Variants in SMS observed in about 807,000 individuals in gnomAD.
SMS encodes spermidine aminopropyltransferase.
SMS carries 3 observed loss-of-function variants against 33.0 expected under a neutral mutation model. That is an observed-to-expected ratio of 0.09 (90% CI 0.04 to 0.23). The LOEUF (loss-of-function observed/expected upper bound fraction) is 0.23, where lower values mean the gene tolerates loss of function less well. SMS is among the 10% of genes least tolerant of loss of function. The pLI is 1.00. For synonymous variants in SMS, 103 were observed against 112.2 expected, an observed-to-expected ratio of 0.92 and a Z score of 0.52; for missense variants, 117 against 288.6, an observed-to-expected ratio of 0.41 and a Z score of 4.31.
chrX:21,950,235 T>C (rs934394458), intron 1 of SMS, among the ~76,000 whole-genome samples: 4 of 110,773 alleles, frequency 3.6e-5, no homozygotes, highest in Non-Finnish European at 7.6e-5. Context: ...ACTGAATCTT[T>C]TAACTGTATA....
intron 1 of SMS, among the ~76,000 whole-genome samples, chrX:21,948,266 T>C (rs1025396936): frequency 4.5e-5 from 5 of 111,067 alleles, no homozygotes; most frequent in African/African-American, 1.6e-4. Context: ...CATTGGGTAG[T>C]TCAGTATTTA....
intron 8 of SMS, 56 bp from the exon 9 acceptor site, chrX:21,985,088 A>T (rs1925234401): frequency 2.7e-6 from 2 of 738,317 alleles, no homozygotes; most frequent in Admixed American, 2.2e-5. Flanking sequence ...TTTACTTCAG[A>T]TGTTGTGGAT....
intron 10 of SMS, among the ~76,000 whole-genome samples, chrX:21,993,544 A>G (rs1424221154): frequency 8.9e-6 from 1 of 112,262 alleles, no homozygotes; most frequent in Non-Finnish European, 1.9e-5. Context: ...GCTGACCTCC[A>G]GTGAGGCCTG....
intron 1 of SMS, chrX:21,941,441 A>G: frequency 6.0e-6 from 1 of 167,523 alleles, no homozygotes. Flanking sequence ...GCGGACGCGC[A>G]GCGCTTGCAG....
intron 2 of SMS, among the ~76,000 whole-genome samples, chrX:21,970,732 CTTA>C (rs981480736): frequency 3.2e-5 from 3 of 94,532 alleles, no homozygotes; most frequent in African/African-American, 1.3e-4. Flanking sequence ...CCATGCTTAG[CTTA>C]TTATTTTTAG....
intron 7 of SMS, among the ~76,000 whole-genome samples, chrX:21,981,552 C>T (rs760306775): frequency 2.1e-4 from 24 of 111,826 alleles, no homozygotes; most frequent in Non-Finnish European, 3.8e-4. Context: ...GAAAGGAATA[C>T]ACAAGGACCT....
At chrX:21,959,270 T>C (rs781539460) in intron 1 of SMS, among the ~76,000 whole-genome samples, 1 of 112,722 alleles carries the variant, frequency 8.9e-6, no homozygotes, top group African/African-American at 3.2e-5. Context: ...AACTTTTAAT[T>C]GTAAACTAGA....
At chrX:21,989,871 T>C (rs1156869877) in intron 9 of SMS, among the ~76,000 whole-genome samples, 2 of 110,405 alleles carry the variant, frequency 1.8e-5, no homozygotes, top group African/African-American at 6.6e-5. Context: ...GCCTTCCGAG[T>C]AGCTGGGATT....
chrX:21,974,030 A>G (rs1422584297), intron 4 of SMS, among the ~76,000 whole-genome samples: 1 of 112,747 alleles, frequency 8.9e-6, no homozygotes, highest in Non-Finnish European at 1.9e-5. Context: ...TAAGGCATAG[A>G]AGGCCTGTCC....
chrX:21,973,221 C>A (rs1349059547), intron 4 of SMS, among the ~76,000 whole-genome samples: 1 of 112,329 alleles, frequency 8.9e-6, no homozygotes, highest in African/African-American at 3.2e-5. Context: ...TAGAAAACTC[C>A]TGACTTCAGT....
intron 7 of SMS, among the ~76,000 whole-genome samples, chrX:21,980,314 G>A (rs1416808523): frequency 9.4e-6 from 1 of 106,657 alleles, no homozygotes; most frequent in African/African-American, 3.4e-5. Context: ...CTACATGGAA[G>A]GCTGAGGCAG....
intron 1 of SMS, among the ~76,000 whole-genome samples, chrX:21,946,482 A>G (rs756256148): frequency 8.9e-6 from 1 of 112,546 alleles, no homozygotes; most frequent in South Asian, 3.7e-4. Flanking sequence ...CCCATTTTAA[A>G]GACAAATAAA....
Position 21,994,532 on chromosome X carries a change from T to C in SMS, c.*181T>C. On this transcript the variant is annotated 3_prime_UTR_variant, in exon 11 of 11. Transcript: ENST00000404933. Reference sequence around the variant, plus strand: ...TGTATATTTTGATGAGCTTAGGGTGTTTTTTTTTTGAAAGTCAGCTGAAGG... The same window carrying C: ...TGTATATTTTGATGAGCTTAGGGTGCTTTTTTTTTGAAAGTCAGCTGAAGG... The C allele has an allele frequency of 2.2e-6, 2 of 917,055 alleles. No individual in the cohort carries two copies. The highest frequency in any genetic ancestry group is 2.8e-6 in the Non-Finnish European group (2 of 726,986). The allele number at this position is 917,055 out of a possible 1,213,427, so 75.6% of individuals were successfully genotyped here.
chrX:21,988,884 T>C lies in SMS; in HGVS notation c.945+3661T>C, dbSNP rs139009252. ...TGGGAATCAAAGTGGGCCAATAGAA[T>C]TTGAATTGGGGAGGAAGTGTTTTCA... On this transcript the variant is annotated intron_variant, in intron 9 of 10. Coordinates refer to ENST00000404933, the MANE Select transcript of SMS (RefSeq NM_004595.5). Among the ~76,000 whole-genome samples the C allele has an allele frequency of 7.1e-3, 774 of 109,596 alleles. 7 individuals carry two copies. Among genetic ancestry groups the C allele is most frequent in the African/African-American group, 0.024 (716 of 30,139 alleles).
intron 1 of SMS, among the ~76,000 whole-genome samples, chrX:21,945,268 A>C (rs1292668539): frequency 9.0e-6 from 1 of 111,731 alleles, no homozygotes; most frequent in Non-Finnish European, 1.9e-5. Flanking sequence ...ATTAGGGGAA[A>C]GTGAGATGCT....
chrX:21,947,991 T>G (rs2147488695), intron 1 of SMS, among the ~76,000 whole-genome samples: 1 of 111,832 alleles, frequency 8.9e-6, no homozygotes, highest in Non-Finnish European at 1.9e-5. Context: ...GCGCTTTTGC[T>G]TTGTGATTTT....
intron 1 of SMS, among the ~76,000 whole-genome samples, chrX:21,944,658 T>A (rs1284054473): frequency 9.2e-6 from 1 of 109,268 alleles, no homozygotes; most frequent in Non-Finnish European, 1.9e-5. Flanking sequence ...CACTCCAGCC[T>A]GGACAGTGGC....
chrX:21,960,341 C>T (rs777951441), intron 1 of SMS, among the ~76,000 whole-genome samples: 12 of 109,078 alleles, frequency 1.1e-4, no homozygotes, highest in African/African-American at 4.0e-4. Context: ...ATTTCACAAG[C>T]CAGGTGCTCC....
At chrX:21,943,070 C>T (rs773765089) in intron 1 of SMS, among the ~76,000 whole-genome samples, 19 of 110,902 alleles carry the variant, frequency 1.7e-4, no homozygotes, top group African/African-American at 5.9e-4. Context: ...TGGTCTCAAA[C>T]TCCTGGCCTC....
Sources: gnomAD v4.1 joint callset for allele counts (sites outside exome capture counted in the v4.1 genomes callset) on GRCh38, gnomAD v4.1.1 for gene constraint, MANE v1.5 for transcripts, NCBI Gene and HGNC (gene_info 2026-07-23, HGNC 2026-07-21) for gene names.